Variants in LRRTM4 observed in about 807,000 individuals in gnomAD.
LRRTM4 encodes the protein leucine-rich repeat transmembrane neuronal protein 4.
A neutral mutation model predicts 47.6 loss-of-function variants in LRRTM4; 25 were observed. That is an observed-to-expected ratio of 0.53 (90% CI 0.38 to 0.73). The LOEUF (loss-of-function observed/expected upper bound fraction) is 0.73. Among genes scored for constraint, LRRTM4 ranks in the 30% least tolerant of loss-of-function variants. The probability of loss-of-function intolerance (pLI) is 0.00; values close to 1 mark genes in which losing one functional copy is unlikely to be tolerated. For missense variants in LRRTM4, 638 were observed against 713.4 expected (o/e 0.89, Z 1.20); for synonymous variants, 311 against 269.5 (o/e 1.15, Z -1.51).
chr2:77,409,960 G>C (rs1192807021), intron 3 of LRRTM4, among the ~76,000 whole-genome samples: 1 of 152,098 alleles, frequency 6.6e-6, no homozygotes, highest in Non-Finnish European at 1.5e-5. Flanking sequence ...TTCCTGAATA[G>C]AGACAGCCCA....
intron 3 of LRRTM4, among the ~76,000 whole-genome samples, chr2:76,953,028 G>C (rs983659604): frequency 1.3e-5 from 2 of 151,682 alleles, no homozygotes; most frequent in African/African-American, 2.4e-5. Flanking sequence ...GAGACTACTA[G>C]ACAAGAAAGA....
At chr2:77,120,443 A>T (rs557661567) in intron 3 of LRRTM4, among the ~76,000 whole-genome samples, 22 of 151,974 alleles carry the variant, frequency 1.4e-4, no homozygotes, top group African/African-American at 5.3e-4. Context: ...TGCTTTATTC[A>T]AGATTGAAGA....
At position 77,045,892 on chromosome 2, in the gene LRRTM4, T is replaced by A. The variant is rs535105390; in HGVS notation, c.1552-296976A>T. Among the ~76,000 whole-genome samples, 10 of 152,086 alleles carry A rather than the reference T, an allele frequency of 6.6e-5. No individual in the cohort carries two copies. The East Asian group carries it at 1.7e-3, about 26-fold the overall frequency. On this transcript the variant is annotated intron_variant, in intron 3 of 3. Coordinates refer to ENST00000409884, the MANE Select transcript of LRRTM4 (RefSeq NM_001134745.3). Reference sequence around the variant, plus strand: ...TTTTTCTGATAGTTTCCTGATATAGTTTTTTACACTTGGTTTGAACAAAGA... The same window carrying A: ...TTTTTCTGATAGTTTCCTGATATAGATTTTTACACTTGGTTTGAACAAAGA...
intron 3 of LRRTM4, among the ~76,000 whole-genome samples, chr2:77,429,663 CAT>C: frequency 6.6e-6 from 1 of 152,040 alleles, no homozygotes; most frequent in South Asian, 2.1e-4. Flanking sequence ...AAGTTGAACT[CAT>C]AGAAGTAGAG....
chr2:76,814,370 T>TTA (rs935008652), intron 3 of LRRTM4, among the ~76,000 whole-genome samples: 81 of 151,132 alleles, frequency 5.4e-4, no homozygotes, highest in African/African-American at 1.9e-3. Context: ...CTAAGGTTAA[T>TTA]TTATTATTGA....
intron 3 of LRRTM4, among the ~76,000 whole-genome samples, chr2:77,053,951 G>A (rs1219150166): frequency 6.6e-6 from 1 of 152,056 alleles, no homozygotes; most frequent in East Asian, 1.9e-4. Context: ...ATGTGATTTT[G>A]AGTCAGAAAT....
chr2:77,445,074 G>A (rs917543629), intron 3 of LRRTM4, among the ~76,000 whole-genome samples: 1 of 151,542 alleles, frequency 6.6e-6, no homozygotes, highest in Non-Finnish European at 1.5e-5. Flanking sequence ...TTTTGTTGTT[G>A]TTTTTCTGGG....
chr2:77,071,614 A>G (rs1343724084), intron 3 of LRRTM4, among the ~76,000 whole-genome samples: 2 of 152,336 alleles, frequency 1.3e-5, no homozygotes, highest in Admixed American at 6.5e-5. Context: ...TTCCTGTAAC[A>G]TTATCTAAGT....
chr2:77,379,065 T>C (rs1672948293), intron 3 of LRRTM4, among the ~76,000 whole-genome samples: 1 of 152,186 alleles, frequency 6.6e-6, no homozygotes, highest in African/African-American at 2.4e-5. Context: ...TTTATATATT[T>C]CAGAGATGTT....
chr2:77,318,745 C>T (rs1437254289), intron 3 of LRRTM4, among the ~76,000 whole-genome samples: 1 of 152,132 alleles, frequency 6.6e-6, no homozygotes, highest in Non-Finnish European at 1.5e-5. Flanking sequence ...GAATAACACT[C>T]ATCTTTCCAT....
intron 3 of LRRTM4, among the ~76,000 whole-genome samples, chr2:77,468,947 T>C (rs748663105): frequency 2.9e-4 from 44 of 152,204 alleles, no homozygotes; most frequent in Non-Finnish European, 5.9e-4. Flanking sequence ...CCTAATATGA[T>C]GTCCGTTTTT....
At chr2:77,127,010 C>T (rs1333169255) in intron 3 of LRRTM4, among the ~76,000 whole-genome samples, 2 of 152,172 alleles carry the variant, frequency 1.3e-5, no homozygotes, top group African/African-American at 4.8e-5. Context: ...GCTATACTGT[C>T]TTCATGTACA....
At chr2:76,967,593 T>C (rs1676070840) in intron 3 of LRRTM4, among the ~76,000 whole-genome samples, 1 of 151,582 alleles carries the variant, frequency 6.6e-6, no homozygotes, top group Non-Finnish European at 1.5e-5. Flanking sequence ...AATTACTCTA[T>C]ATGCCACCAC....
chr2:76,914,811 C>T (rs1244580413), intron 3 of LRRTM4, among the ~76,000 whole-genome samples: 2 of 152,100 alleles, frequency 1.3e-5, no homozygotes, highest in African/African-American at 2.4e-5. Flanking sequence ...TTCTCACCAT[C>T]ATATTTACTT....
At chr2:77,179,722 T>C (rs1039277559) in intron 3 of LRRTM4, among the ~76,000 whole-genome samples, 4 of 152,160 alleles carry the variant, frequency 2.6e-5, no homozygotes, top group Non-Finnish European at 4.4e-5. Flanking sequence ...CAACTTGTTT[T>C]ATTACTAAGA....
At chr2:76,882,662 A>C (rs1353014809) in intron 3 of LRRTM4, among the ~76,000 whole-genome samples, 1 of 152,158 alleles carries the variant, frequency 6.6e-6, no homozygotes, top group Admixed American at 6.5e-5. Flanking sequence ...TAAGGCCAGA[A>C]ACATAACAGT....
intron 3 of LRRTM4, among the ~76,000 whole-genome samples, chr2:76,833,771 A>G (rs1671425591): frequency 6.6e-6 from 1 of 151,808 alleles, no homozygotes. Context: ...ATTTTAAATT[A>G]GTAAAACTTA....
chr2:77,486,356 ATTC>A (rs1227035899), intron 3 of LRRTM4, among the ~76,000 whole-genome samples: 7 of 152,212 alleles, frequency 4.6e-5, no homozygotes, highest in African/African-American at 1.7e-4. Flanking sequence ...ATTGCCTTCC[ATTC>A]TTCTATATTT....
chr2:77,356,388 A>G (rs1482173720), intron 3 of LRRTM4, among the ~76,000 whole-genome samples: 2 of 152,180 alleles, frequency 1.3e-5, no homozygotes, highest in Non-Finnish European at 2.9e-5. Flanking sequence ...ATGAGAAATA[A>G]TAACTGAAAA....
Sources: gnomAD v4.1 joint callset for allele counts (sites outside exome capture counted in the v4.1 genomes callset) on GRCh38, gnomAD v4.1.1 for gene constraint, MANE v1.5 for transcripts, NCBI Gene and HGNC (gene_info 2026-07-23, HGNC 2026-07-21) for gene names.